ARSK: variants seen among roughly 807,000 people sequenced by gnomAD.
ARSK encodes the protein arylsulfatase K.
ARSK carries 37 observed loss-of-function variants against 53.2 expected under a neutral mutation model. The observed-to-expected ratio is 0.70, with a 90% CI of 0.54 to 0.92. The LOEUF is 0.92. ARSK is among the 40% of genes least tolerant of loss of function. ARSK has a pLI of 0.00. For missense variants in ARSK, 613 were observed against 643.0 expected, an observed-to-expected ratio of 0.95 and a Z score of 0.51; for synonymous variants, 208 against 223.2, an observed-to-expected ratio of 0.93 and a Z score of 0.61.
At chr5:95,563,440 A>G (rs1281204618) in intron 1 of ARSK, among the ~76,000 whole-genome samples, 1 of 152,200 alleles carries the variant, frequency 6.6e-6, no homozygotes. Context: ...TATATATCTC[A>G]GACAGCAATC....
At chr5:95,585,773 T>G (rs929665356) in intron 4 of ARSK, among the ~76,000 whole-genome samples, 1 of 152,100 alleles carries the variant, frequency 6.6e-6, no homozygotes, top group Non-Finnish European at 1.5e-5. Flanking sequence ...AAAGAACTTA[T>G]TCATGCAACC....
intron 3 of ARSK, among the ~76,000 whole-genome samples, chr5:95,571,682 C>G (rs958256845): frequency 6.6e-6 from 1 of 152,136 alleles, no homozygotes; most frequent in Non-Finnish European, 1.5e-5. Flanking sequence ...GCAATACTTG[C>G]TTAAAGCATG....
intron 5 of ARSK, among the ~76,000 whole-genome samples, chr5:95,587,000 G>A (rs549949645): frequency 6.6e-5 from 10 of 152,082 alleles, no homozygotes; most frequent in Non-Finnish European, 1.3e-4. Flanking sequence ...TACTTGAAAC[G>A]TTTTACTGTC....
intron 7 of ARSK, among the ~76,000 whole-genome samples, chr5:95,602,804 C>A (rs1350123163): frequency 1.3e-5 from 2 of 152,078 alleles, no homozygotes; most frequent in African/African-American, 2.4e-5. Context: ...AAAACTAGGA[C>A]TAAGTAAAGT....
chr5:95,595,248 G>C (rs897265956), intron 6 of ARSK, among the ~76,000 whole-genome samples: 2 of 152,210 alleles, frequency 1.3e-5, no homozygotes, highest in South Asian at 2.1e-4. Flanking sequence ...GTGTAAATTA[G>C]TTCAGCCACT....
chr5:95,578,976 G>A (rs1351606427), intron 3 of ARSK, among the ~76,000 whole-genome samples: 1 of 152,072 alleles, frequency 6.6e-6, no homozygotes, highest in Non-Finnish European at 1.5e-5. Context: ...GGAGTTTTTT[G>A]TTGTTAAAAA....
At chr5:95,591,225 C>G (rs147269366) in intron 5 of ARSK, among the ~76,000 whole-genome samples, 176 bp from the exon 6 acceptor site, 26 of 152,222 alleles carry the variant, frequency 1.7e-4, no homozygotes, top group African/African-American at 6.0e-4. Context: ...AGCTGAAGAG[C>G]AAGCAGTAGA....
intron 3 of ARSK, among the ~76,000 whole-genome samples, chr5:95,573,068 G>A (rs536176578): frequency 1.3e-5 from 2 of 152,264 alleles, no homozygotes; most frequent in East Asian, 3.9e-4. Flanking sequence ...AGTCCAAAAT[G>A]TCTTTAGTAT....
chr5:95,574,985 A>T (rs1436705743), intron 3 of ARSK, among the ~76,000 whole-genome samples: 1 of 152,156 alleles, frequency 6.6e-6, no homozygotes, highest in East Asian at 1.9e-4. Context: ...GAGGTCTCAG[A>T]TTTAAGTCTT....
intron 6 of ARSK, among the ~76,000 whole-genome samples, chr5:95,594,301 C>A (rs1749265771): frequency 6.6e-6 from 1 of 152,072 alleles, no homozygotes; most frequent in Non-Finnish European, 1.5e-5. Context: ...TTAAATTAAT[C>A]TTTTTATAAA....
At chr5:95,581,553 C>T (rs1171388606) in intron 3 of ARSK, among the ~76,000 whole-genome samples, 1 of 152,196 alleles carries the variant, frequency 6.6e-6, no homozygotes, top group Non-Finnish European at 1.5e-5. Context: ...AGTTTCTCAG[C>T]CATATTTTCT....
chr5:95,568,168 C>A, intron 3 of ARSK, 119 bp downstream of exon 3: 1 of 1,105,622 alleles, frequency 9.0e-7, no homozygotes, highest in South Asian at 2.2e-5. Flanking sequence ...CTCTTAATCC[C>A]TTCATTGTGT....
chr5:95,602,225 G>T (rs2112452159), intron 7 of ARSK, among the ~76,000 whole-genome samples: 1 of 152,094 alleles, frequency 6.6e-6, no homozygotes, highest in East Asian at 1.9e-4. Flanking sequence ...CCCCTGCTCA[G>T]CTCATCAGAA....
chr5:95,570,842 C>A (rs185378126), intron 3 of ARSK, among the ~76,000 whole-genome samples: 1 of 150,750 alleles, frequency 6.6e-6, no homozygotes, highest in Admixed American at 6.6e-5. Context: ...AGTGCAATAG[C>A]GTGATCTTGG....
At chr5:95,592,735 G>T (rs1234127714) in intron 6 of ARSK, among the ~76,000 whole-genome samples, 1 of 152,136 alleles carries the variant, frequency 6.6e-6, no homozygotes, top group Non-Finnish European at 1.5e-5. Context: ...TTTTAGTAGA[G>T]ATGGGGTTTC....
Position 95,583,269 on chromosome 5 carries a change from T to G in ARSK, c.699+71T>G, listed in dbSNP as rs1749053015. On this transcript the variant is annotated intron_variant, in intron 4 of 7. Transcript: ENST00000380009. ...GGCTTATTGGTATTTGCTCATTGTTTCTTTTATTATCACTTTTAAAGAAAA... is the reference window on the plus strand; with the variant it reads ...GGCTTATTGGTATTTGCTCATTGTTGCTTTTATTATCACTTTTAAAGAAAA... 5 of 1,289,814 alleles carry G rather than the reference T, an allele frequency of 3.9e-6. No individual in the cohort carries two copies. In the African/African-American group the frequency reaches 6.0e-5, roughly 15 times the overall value. 79.9% of individuals were successfully genotyped at this position (1,289,814 alleles called of 1,614,324 possible). A position where few individuals can be genotyped will look rare whatever the true frequency, so the allele number is the denominator to read the frequency against.
At chr5:95,572,667 C>A (rs1042540691) in intron 3 of ARSK, among the ~76,000 whole-genome samples, 1 of 152,002 alleles carries the variant, frequency 6.6e-6, no homozygotes, top group African/African-American at 2.4e-5. Flanking sequence ...AGTCCCAGCT[C>A]CTCGGGAGGC....
chr5:95,597,141 C>T (rs181018495), intron 6 of ARSK, among the ~76,000 whole-genome samples: 1 of 152,138 alleles, frequency 6.6e-6, no homozygotes, highest in Non-Finnish European at 1.5e-5. Flanking sequence ...CTAAAGGTGT[C>T]TCGTTTTGTA....
chr5:95,596,111 T>G lies in ARSK; in HGVS notation c.1096+4486T>G, dbSNP rs150856773. Among the ~76,000 whole-genome samples, 29 of 152,328 alleles carry G rather than the reference T, an allele frequency of 1.9e-4. No individual in the cohort carries two copies. The East Asian group carries it at 5.0e-3, about 26-fold the overall frequency. On this transcript the variant is annotated intron_variant, in intron 6 of 7. Coordinates refer to ENST00000380009, the MANE Select transcript of ARSK (RefSeq NM_198150.3). ...AAAGATCATTCTGATGGTCTACGTT[T>G]AATCTGATGGATCATTCAACCTTTT...
Sources: gnomAD v4.1 joint callset for allele counts (sites outside exome capture counted in the v4.1 genomes callset) on GRCh38, gnomAD v4.1.1 for gene constraint, MANE v1.5 for transcripts, NCBI Gene and HGNC (gene_info 2026-07-23, HGNC 2026-07-21) for gene names.